Variants in CALN1 observed in about 807,000 individuals in gnomAD.
The protein encoded by CALN1 is calneuron 1, also known as calcium-binding protein 8.
Under a neutral mutation model 30.6 loss-of-function variants are expected in CALN1, and 17 were observed. That is an observed-to-expected ratio of 0.56 (90% CI 0.38 to 0.83). The LOEUF is 0.83. CALN1 is among the 40% of genes least tolerant of loss of function. CALN1 has a pLI of 0.00. For missense variants in CALN1, 291 were observed against 354.9 expected, an observed-to-expected ratio of 0.82 and a Z score of 1.45; for synonymous variants, 156 against 131.4, an observed-to-expected ratio of 1.19 and a Z score of -1.28.
intron 3 of CALN1, among the ~76,000 whole-genome samples, chr7:72,260,739 C>CT (rs1254227248): frequency 1.3e-5 from 2 of 152,030 alleles, no homozygotes; most frequent in Non-Finnish European, 2.9e-5. Context: ...GTAAGAAACA[C>CT]TAAGTTCTCA....
At chr7:72,260,288 G>C (rs1229858790) in intron 3 of CALN1, among the ~76,000 whole-genome samples, 1 of 152,180 alleles carries the variant, frequency 6.6e-6, no homozygotes, top group Non-Finnish European at 1.5e-5. Context: ...ATTAGCAACT[G>C]ATGTTACCCT....
chr7:72,320,440 C>G (rs569747441), intron 2 of CALN1, among the ~76,000 whole-genome samples: 1 of 152,190 alleles, frequency 6.6e-6, no homozygotes, highest in Non-Finnish European at 1.5e-5. Context: ...AATGAGGTAA[C>G]AAGTTTCGGG....
chr7:72,433,038 G>A (rs1193345022), intron 1 of CALN1, among the ~76,000 whole-genome samples: 1 of 152,114 alleles, frequency 6.6e-6, no homozygotes, highest in African/African-American at 2.4e-5. Flanking sequence ...ACTATCTTTA[G>A]GCTCAAGCGC....
intron 1 of CALN1, among the ~76,000 whole-genome samples, chr7:72,438,122 C>T (rs59815948): frequency 0.099 from 14,893 of 150,348 alleles, 925 homozygotes; most frequent in African/African-American, 0.17. Flanking sequence ...TATAGGCATG[C>T]GCCACCACAC....
At chr7:72,466,925 T>C in the CALN1 span, among the ~76,000 whole-genome samples, 1 of 151,534 alleles carries the variant, frequency 6.6e-6, no homozygotes, top group African/African-American at 2.4e-5. Flanking sequence ...GAAAATGATA[T>C]GTAGGAAGTG....
intron 5 of CALN1, among the ~76,000 whole-genome samples, chr7:71,916,774 C>T (rs1401560726): frequency 6.6e-6 from 1 of 152,100 alleles, no homozygotes; most frequent in African/African-American, 2.4e-5. Context: ...AACTGCACAT[C>T]CTGCACATGT....
chr7:71,835,227 A>G (rs1789535301), intron 5 of CALN1, among the ~76,000 whole-genome samples: 1 of 152,218 alleles, frequency 6.6e-6, no homozygotes, highest in Admixed American at 6.5e-5. Flanking sequence ...CAAAGGTAAC[A>G]TGGCTGAGCT....
At chr7:72,474,481 T>C in the CALN1 span, among the ~76,000 whole-genome samples, 2 of 150,706 alleles carry the variant, frequency 1.3e-5, no homozygotes, top group East Asian at 4.0e-4. Context: ...AACCCAAGAG[T>C]CCAAGACCAG....
chr7:72,369,709 T>C (rs538936946), intron 2 of CALN1, among the ~76,000 whole-genome samples: 1 of 152,320 alleles, frequency 6.6e-6, no homozygotes, highest in East Asian at 1.9e-4. Flanking sequence ...TTGCATTTCC[T>C]AGAAGTTTAT....
At chr7:71,958,210 T>C (rs1797066665) in intron 5 of CALN1, among the ~76,000 whole-genome samples, 1 of 152,134 alleles carries the variant, frequency 6.6e-6, no homozygotes, top group Non-Finnish European at 1.5e-5. Context: ...TAGCGTACAT[T>C]GTACCCAACA....
intron 1 of CALN1, among the ~76,000 whole-genome samples, chr7:72,408,650 A>G (rs530865927): frequency 5.4e-5 from 8 of 148,760 alleles, no homozygotes; most frequent in Non-Finnish European, 1.2e-4. Context: ...AAGACATACA[A>G]ATGACCACCA....
intron 4 of CALN1, among the ~76,000 whole-genome samples, chr7:72,024,204 T>G (rs1800901420): frequency 6.6e-6 from 1 of 152,182 alleles, no homozygotes; most frequent in South Asian, 2.1e-4. Flanking sequence ...TTGCTGTATC[T>G]TCCTCATTAC....
chr7:72,169,559 G>C (rs530895384), intron 3 of CALN1, among the ~76,000 whole-genome samples: 24 of 151,790 alleles, frequency 1.6e-4, no homozygotes, highest in Non-Finnish European at 2.9e-4. Flanking sequence ...CTAGCCTCAG[G>C]TGATTTTTTT....
upstream of CALN1, chr7:72,447,113 G>A: frequency 6.0e-6 from 1 of 166,552 alleles, no homozygotes; most frequent in East Asian, 1.5e-4. Context: ...AAGCCATCAG[G>A]AAGGAGCAGG....
chr7:72,307,229 G>A (rs1176156569), intron 2 of CALN1, among the ~76,000 whole-genome samples: 1 of 152,172 alleles, frequency 6.6e-6, no homozygotes, highest in African/African-American at 2.4e-5. Context: ...AACATAAAAT[G>A]AATAGTATGT....
At chr7:72,247,227 C>CGTTTTTTTT (rs1795238713) in intron 3 of CALN1, among the ~76,000 whole-genome samples, 1 of 77,672 alleles carries the variant, frequency 1.3e-5, no homozygotes, top group Non-Finnish European at 2.3e-5. Context: ...CATTTTCTTT[C>CGTTTTTTTT]TTTTTTTTTT....
At chr7:72,492,225 G>C in the CALN1 span, among the ~76,000 whole-genome samples, 1 of 152,198 alleles carries the variant, frequency 6.6e-6, no homozygotes, top group Non-Finnish European at 1.5e-5. Flanking sequence ...ATAGCTCATG[G>C]AATTTAAAAC....
chr7:72,354,255 G>A (rs771033137), intron 2 of CALN1, among the ~76,000 whole-genome samples: 1 of 151,684 alleles, frequency 6.6e-6, no homozygotes, highest in East Asian at 1.9e-4. Context: ...CAAAATAAGT[G>A]TAAGTTCTGT....
intron 5 of CALN1, among the ~76,000 whole-genome samples, chr7:71,828,669 T>C (rs964439514): frequency 1.3e-5 from 2 of 150,892 alleles, no homozygotes; most frequent in Non-Finnish European, 2.9e-5. Context: ...TATATATATA[T>C]GTAAGATATA....
Sources: gnomAD v4.1 joint callset for allele counts (sites outside exome capture counted in the v4.1 genomes callset) on GRCh38, gnomAD v4.1.1 for gene constraint, MANE v1.5 for transcripts, NCBI Gene and HGNC (gene_info 2026-07-23, HGNC 2026-07-21) for gene names.